TNFSF4: variants seen among roughly 807,000 people sequenced by gnomAD.
TNFSF4 encodes tumor necrosis factor ligand superfamily member 4.
A neutral mutation model predicts 7.3 loss-of-function variants in TNFSF4; 4 were observed. The observed-to-expected ratio is 0.55, with a 90% CI of 0.27 to 1.25. TNFSF4 has a LOEUF of 1.25. TNFSF4 is among the 50% of genes most tolerant of loss of function. The pLI is 0.12. For missense variants in TNFSF4, 181 were observed against 208.8 expected, an observed-to-expected ratio of 0.87 and a Z score of 0.82; for synonymous variants, 76 against 83.7, an observed-to-expected ratio of 0.91 and a Z score of 0.50.
At chr1:173,442,266 C>A in the TNFSF4 span, among the ~76,000 whole-genome samples, 1 of 152,040 alleles carries the variant, frequency 6.6e-6, no homozygotes, top group South Asian at 2.1e-4. Context: ...GTATTCCCAC[C>A]ACACAGACCA....
the TNFSF4 span, among the ~76,000 whole-genome samples, chr1:173,251,927 G>A: frequency 1.4e-4 from 21 of 152,236 alleles, no homozygotes; most frequent in East Asian, 3.9e-4. Flanking sequence ...ACACAGGAAC[G>A]TGTCCTTTGT....
chr1:173,254,419 G>T, the TNFSF4 span, among the ~76,000 whole-genome samples: 1 of 152,098 alleles, frequency 6.6e-6, no homozygotes, highest in Non-Finnish European at 1.5e-5. Context: ...AAGAGTTAAA[G>T]CAGAAGGGAC....
At chr1:173,173,774 G>A in the TNFSF4 span, among the ~76,000 whole-genome samples, 5 of 152,252 alleles carry the variant, frequency 3.3e-5, no homozygotes, top group East Asian at 9.6e-4. Flanking sequence ...CATGTCCCGA[G>A]GTTGCATAGA....
chr1:173,226,287 A>G, the TNFSF4 span, among the ~76,000 whole-genome samples: 19 of 152,216 alleles, frequency 1.2e-4, no homozygotes, highest in African/African-American at 4.6e-4. Context: ...GGGTATGGCC[A>G]CATGATTTAT....
At chr1:173,294,979 T>A in the TNFSF4 span, among the ~76,000 whole-genome samples, 1 of 152,062 alleles carries the variant, frequency 6.6e-6, no homozygotes, top group Admixed American at 6.6e-5. Context: ...ATTATACAAA[T>A]CTCTGATGAA....
chr1:173,230,020 T>A, the TNFSF4 span, among the ~76,000 whole-genome samples: 1 of 151,814 alleles, frequency 6.6e-6, no homozygotes, highest in Non-Finnish European at 1.5e-5. Flanking sequence ...ATTAGACAGG[T>A]CAACAAGACA....
At chr1:173,334,684 G>A in the TNFSF4 span, among the ~76,000 whole-genome samples, 1 of 152,138 alleles carries the variant, frequency 6.6e-6, no homozygotes, top group Non-Finnish European at 1.5e-5. Context: ...GGGACACTAG[G>A]CCCCTAAACT....
chr1:173,384,598 T>C, the TNFSF4 span, among the ~76,000 whole-genome samples: 1 of 152,262 alleles, frequency 6.6e-6, no homozygotes, highest in African/African-American at 2.4e-5. Context: ...GCAGTGGTCT[T>C]CCCTCTACCA....
chr1:173,182,449 T>C (rs1031170591), downstream of TNFSF4, among the ~76,000 whole-genome samples: 3 of 152,132 alleles, frequency 2.0e-5, no homozygotes, highest in African/African-American at 7.2e-5. Flanking sequence ...TCTTGGGTGT[T>C]AACTACCCTT....
intron 1 of TNFSF4, 22 bp from the exon 2 acceptor site, chr1:173,188,591 A>G (rs1329314079): frequency 6.3e-7 from 1 of 1,598,578 alleles, no homozygotes; most frequent in Non-Finnish European, 8.6e-7. Context: ...AGAAAGACAT[A>G]TTCTTAGGAA....
At chr1:173,236,708 T>A in the TNFSF4 span, among the ~76,000 whole-genome samples, 3 of 151,936 alleles carry the variant, frequency 2.0e-5, no homozygotes, top group East Asian at 5.8e-4. Flanking sequence ...CAGGAGGACA[T>A]AATATTAAGT....
At chr1:173,220,744 T>A in the TNFSF4 span, among the ~76,000 whole-genome samples, 1 of 152,156 alleles carries the variant, frequency 6.6e-6, no homozygotes, top group Non-Finnish European at 1.5e-5. Context: ...AGACAATGAA[T>A]CTTCTGGCAC....
chr1:173,262,671 C>T, the TNFSF4 span, among the ~76,000 whole-genome samples: 4 of 142,440 alleles, frequency 2.8e-5, no homozygotes, highest in South Asian at 2.2e-4. Flanking sequence ...GGCGCAATCT[C>T]GGCTCACTGC....
chr1:173,381,365 A>G, the TNFSF4 span, among the ~76,000 whole-genome samples: 2 of 152,194 alleles, frequency 1.3e-5, no homozygotes, highest in Non-Finnish European at 2.9e-5. Context: ...AGGCTTCTGA[A>G]ATCAGACAAT....
the TNFSF4 span, among the ~76,000 whole-genome samples, chr1:173,327,213 C>T: frequency 6.6e-6 from 1 of 152,146 alleles, no homozygotes; most frequent in South Asian, 2.1e-4. Flanking sequence ...AATAACGCCG[C>T]ATATCTACAA....
chr1:173,220,851 C>A, the TNFSF4 span, among the ~76,000 whole-genome samples: 2 of 151,980 alleles, frequency 1.3e-5, no homozygotes. Context: ...CCTGAACTGA[C>A]GAAGACAATT....
the TNFSF4 span, among the ~76,000 whole-genome samples, chr1:173,173,851 G>A: frequency 4.2e-4 from 64 of 152,314 alleles, no homozygotes; most frequent in African/African-American, 1.4e-3. Context: ...CCTGTGATGG[G>A]AGGGGCTGCC....
chr1:173,325,724 A>T, the TNFSF4 span, among the ~76,000 whole-genome samples: 1 of 152,248 alleles, frequency 6.6e-6, no homozygotes, highest in Non-Finnish European at 1.5e-5. Context: ...ACCATCAGAG[A>T]ATACTATAAA....
the TNFSF4 span, among the ~76,000 whole-genome samples, chr1:173,444,433 A>G: frequency 6.6e-6 from 1 of 152,110 alleles, no homozygotes; most frequent in Non-Finnish European, 1.5e-5. Flanking sequence ...GTTCTAATAT[A>G]AATTTTAAAT....
Sources: allele counts gnomAD v4.1 joint callset (sites outside exome capture counted in the v4.1 genomes callset), GRCh38; gene constraint gnomAD v4.1.1; transcripts MANE v1.5; gene names NCBI Gene and HGNC (gene_info 2026-07-23, HGNC 2026-07-21).